The following PATJ variants were observed in gnomAD, a reference collection of about 807,000 sequenced individuals.
PATJ encodes PATJ crumbs cell polarity complex component.
PATJ carries 190 observed loss-of-function variants against 224.9 expected under a neutral mutation model. The ratio of observed to expected loss-of-function variants is 0.84; its 90% CI spans 0.75 to 0.95. PATJ has a LOEUF of 0.95. PATJ is among the 40% of genes least tolerant of loss of function. The pLI is 0.00. For missense variants in PATJ, 2,121 were observed against 2,270.3 expected, an observed-to-expected ratio of 0.93 and a Z score of 1.34; for synonymous variants, 769 against 820.3, an observed-to-expected ratio of 0.94 and a Z score of 1.07.
Position 61,762,934 on chromosome 1 carries a change from C to T in PATJ, c.22+20C>T. The T allele has an allele frequency of 6.6e-7, 1 of 1,512,012 alleles. No individual in the cohort carries two copies. 93.7% of individuals were successfully genotyped at this position (1,512,012 alleles called of 1,614,324 possible). On this transcript the variant is annotated intron_variant, in intron 2 of 43. Transcript: ENST00000642238. Reference sequence around the variant, plus strand: ...CTACAGGTATACTGGATATATTGTTCTATAATTAAATTAATTATTTAAAAA... The same window carrying T: ...CTACAGGTATACTGGATATATTGTTTTATAATTAAATTAATTATTTAAAAA...
chr1:62,041,827 G>A (rs1421182734), intron 30 of PATJ, among the ~76,000 whole-genome samples: 3 of 152,072 alleles, frequency 2.0e-5, no homozygotes, highest in East Asian at 1.9e-4. Flanking sequence ...TCAGGAGATC[G>A]AGACCATCCT....
At position 61,901,447 on chromosome 1, in the gene PATJ, T is replaced by TA; in HGVS notation, c.3373dup (p.Ile1125AsnfsTer3). 1 of 1,581,510 alleles carries TA rather than the reference T, an allele frequency of 6.3e-7. No homozygotes were observed. Among genetic ancestry groups the TA allele is most frequent in the Non-Finnish European group, 8.6e-7 (1 of 1,168,702 alleles). ...AGACGAACGCACTTAAAACTGGAGATAAAATACTTGAGGTAAATGATGTTA... is the reference window on the plus strand; with the variant it reads ...AGACGAACGCACTTAAAACTGGAGATAAAAATACTTGAGGTAAATGATGTTA... On this transcript the variant is annotated frameshift_variant, in exon 24 of 44. Transcript: ENST00000642238. LOFTEE classifies it high-confidence loss of function.
intron 27 of PATJ, among the ~76,000 whole-genome samples, chr1:61,968,932 G>T (rs4915791): frequency 0.13 from 20,205 of 152,206 alleles, 1,824 homozygotes; most frequent in Middle Eastern, 0.22. Context: ...CTGTTTCTAT[G>T]AATTTGACTA....
chr1:61,803,560 G>A (rs1467755220), intron 12 of PATJ, among the ~76,000 whole-genome samples: 1 of 151,972 alleles, frequency 6.6e-6, no homozygotes, highest in Admixed American at 6.6e-5. Flanking sequence ...CACGAAAGAG[G>A]AATACAAAAA....
intron 28 of PATJ, among the ~76,000 whole-genome samples, chr1:61,999,899 T>C (rs1645643569): frequency 6.6e-6 from 1 of 152,094 alleles, no homozygotes; most frequent in Non-Finnish European, 1.5e-5. Context: ...TTTGGGTTTT[T>C]TTAGGCAGAG....
chr1:61,917,290 G>C (rs1348313715), intron 26 of PATJ, among the ~76,000 whole-genome samples: 1 of 152,144 alleles, frequency 6.6e-6, no homozygotes, highest in Non-Finnish European at 1.5e-5. Flanking sequence ...GATGGAGTTG[G>C]TTAGGTCAGG....
At chr1:62,017,739 AAAAAAAAAG>A in intron 28 of PATJ, 108 bp from the exon 29 acceptor site, 3 of 567,148 alleles carry the variant, frequency 5.3e-6, no homozygotes, top group Admixed American at 3.1e-5. Flanking sequence ...CAAAAAAAAA[AAAAAAAAAG>A]AAAAGAAAAG....
rs1417524744 is a variant in PATJ, at chr1:61,769,308, T to C, written c.410T>C (p.Ile137Thr). The change falls in exon 5 of 44, where the codon ATA becomes ACA. Residue 137 changes from isoleucine (I) to threonine (T), a missense_variant. Coordinates refer to ENST00000642238, the MANE Select transcript of PATJ (RefSeq NM_001350145.3). ...AQGRQIEYID[I>T]ERPSTGGLGF... ...GGCCGGCAAATTGAATATATAGATA[T>C]AGAACGGCCTTCAACTGGAGGCCTT... 1.2e-6 allele frequency: 2 copies of C among 1,612,826 alleles called. No individual in the cohort carries two copies. Among genetic ancestry groups the C allele is most frequent in the South Asian group, 1.1e-5 (1 of 90,764 alleles).
intron 28 of PATJ, chr1:61,991,542 T>A (rs1645065786): frequency 1.0e-6 from 1 of 985,238 alleles, no homozygotes; most frequent in African/African-American, 1.7e-5. Flanking sequence ...TAATAACTAC[T>A]GCCACAGCTG....
At chr1:61,894,270 C>CAAAAAAAAAAAAAAAAAAAAAAAAAAAAA in intron 22 of PATJ, among the ~76,000 whole-genome samples, 1 of 148,618 alleles carries the variant, frequency 6.7e-6, no homozygotes. Flanking sequence ...AAAAAAAAAA[C>CAAAAAAAAAAAAAAAAAAAAAAAAAAAAA]ACAAAAAAAA....
rs191563527 is a variant in PATJ, at chr1:61,928,041, A to G, written c.3670+212A>G. Among the ~76,000 whole-genome samples the G allele has an allele frequency of 3.9e-4, 60 of 152,336 alleles. No individual in the cohort carries two copies. In the East Asian group the frequency reaches 8.1e-3, roughly 21 times the overall value. On this transcript the variant is annotated intron_variant, in intron 27 of 43. Coordinates refer to ENST00000642238, the MANE Select transcript of PATJ (RefSeq NM_001350145.3). The stretch of plus-strand genomic sequence containing the variant: ...GAGAAAGGGAATATTGAAGGAAGCT[A>G]TGCTGTACACTATTTTTCCTATATT...
intron 27 of PATJ, among the ~76,000 whole-genome samples, chr1:61,968,608 G>A (rs1421889262): frequency 6.6e-6 from 1 of 151,634 alleles, no homozygotes; most frequent in Non-Finnish European, 1.5e-5. Context: ...TGTGCACAAC[G>A]TGCAGGTTTG....
intron 27 of PATJ, among the ~76,000 whole-genome samples, chr1:61,980,050 A>G (rs1007277525): frequency 6.6e-6 from 1 of 152,000 alleles, no homozygotes; most frequent in Non-Finnish European, 1.5e-5. Flanking sequence ...AGTGAGAGTT[A>G]CCTTCCTGCC....
intron 28 of PATJ, among the ~76,000 whole-genome samples, chr1:62,015,689 C>G (rs1056100561): frequency 3.3e-5 from 5 of 152,048 alleles, no homozygotes; most frequent in African/African-American, 1.2e-4. Context: ...TGTGCCACCA[C>G]ATCCAGCTAA....
At chr1:61,760,765 T>C (rs4915774) in intron 1 of PATJ, among the ~76,000 whole-genome samples, 39,814 of 150,876 alleles carry the variant, frequency 0.26, 5,434 homozygotes, top group East Asian at 0.43. Flanking sequence ...TATGGGTGAG[T>C]GCCACCACGC....
intron 1 of PATJ, among the ~76,000 whole-genome samples, chr1:61,744,308 G>GA (rs1421721749): frequency 3.2e-5 from 3 of 94,960 alleles, no homozygotes; most frequent in Non-Finnish European, 4.5e-5. Context: ...AAAAAAAAAG[G>GA]AAAAAAGATT....
chr1:61,841,619 T>G (rs1335331909), intron 17 of PATJ, among the ~76,000 whole-genome samples: 2 of 145,186 alleles, frequency 1.4e-5, no homozygotes, highest in Non-Finnish European at 3.0e-5. Context: ...TTTTGGGAGC[T>G]CTTTGGGTCC....
chr1:61,780,111 C>T (rs1204140592), intron 7 of PATJ, among the ~76,000 whole-genome samples: 1 of 152,106 alleles, frequency 6.6e-6, no homozygotes, highest in Non-Finnish European at 1.5e-5. Context: ...GACAAACATC[C>T]AAACTGTAGC....
At chr1:61,742,843 TG>T (rs1644830959) in intron 1 of PATJ, among the ~76,000 whole-genome samples, 1 of 150,416 alleles carries the variant, frequency 6.6e-6, no homozygotes, top group Non-Finnish European at 1.5e-5. Flanking sequence ...GACCCCACGG[TG>T]GTCCCCGCCC....
Sources: gnomAD v4.1 joint callset for allele counts (sites outside exome capture counted in the v4.1 genomes callset) on GRCh38, gnomAD v4.1.1 for gene constraint, MANE v1.5 for transcripts, NCBI Gene and HGNC (gene_info 2026-07-23, HGNC 2026-07-21) for gene names.